The following CELF2 variants were observed in gnomAD, a reference collection of about 807,000 sequenced individuals.
The protein encoded by CELF2 is CUGBP Elav-like family member 2.
A neutral mutation model predicts 62.6 loss-of-function variants in CELF2; 8 were observed. The observed-to-expected ratio is 0.13, with a 90% confidence interval of 0.07 to 0.23. The LOEUF is 0.23. Ranked by LOEUF, CELF2 falls within the 10% of genes least tolerant of loss-of-function variation. CELF2 has a pLI of 1.00. For missense variants in CELF2, 333 were observed against 671.0 expected, an observed-to-expected ratio of 0.50 and a Z score of 5.56; for synonymous variants, 258 against 250.0, an observed-to-expected ratio of 1.03 and a Z score of -0.30.
chr10:10,988,294 T>TAGAG (rs113642206), intron 2 of CELF2, among the ~76,000 whole-genome samples: 11 of 140,762 alleles, frequency 7.8e-5, no homozygotes, highest in South Asian at 4.4e-4. Context: ...TATATATATA[T>TAGAG]AGAGAGAGAG....
intron 1 of CELF2, among the ~76,000 whole-genome samples, chr10:10,885,084 A>T (rs1307474094): frequency 6.6e-6 from 1 of 152,128 alleles, no homozygotes; most frequent in East Asian, 1.9e-4. Flanking sequence ...TCTACTAAAG[A>T]TACAAAACAT....
the CELF2 span, among the ~76,000 whole-genome samples, chr10:10,528,559 G>A: frequency 6.6e-6 from 1 of 152,186 alleles, no homozygotes; most frequent in African/African-American, 2.4e-5. Flanking sequence ...CCCCACTTAA[G>A]AGTCTGCCTG....
At chr10:10,854,029 G>A (rs1379107733) in intron 1 of CELF2, among the ~76,000 whole-genome samples, 1 of 152,104 alleles carries the variant, frequency 6.6e-6, no homozygotes, top group Non-Finnish European at 1.5e-5. Context: ...ATATTTTCCT[G>A]TTAAACATGA....
rs2059949007 is a variant in CELF2, at chr10:11,030,602, G to T, written c.74+12439G>T. ...GCTCTGTTTCTCACCTCCAAAGCCT[G>T]AGGTTGCACCTCTGTTCCTCGTTTC... On this transcript the variant is annotated intron_variant, in intron 1 of 12. Coordinates refer to ENST00000633077, the MANE Select transcript of CELF2 (RefSeq NM_001326342.2). 2.0e-5 allele frequency: 3 copies of T among 152,278 alleles called. No homozygotes were observed. In the South Asian group the frequency reaches 6.2e-4, roughly 31 times the overall value. The allele number at this position is 152,278 out of a possible 1,614,324, so 9.4% of individuals were successfully genotyped here.
chr10:10,547,221 G>A, the CELF2 span, among the ~76,000 whole-genome samples: 124 of 152,252 alleles, frequency 8.1e-4, 1 homozygote, highest in African/African-American at 2.9e-3. Flanking sequence ...CTTGCCTATC[G>A]AGAAATATCC....
Position 10,990,965 on chromosome 10 carries a change from T to TTGAG in CELF2, c.89+70968_89+70969insAGTG, listed in dbSNP as rs1325423884. On this transcript the variant is annotated intron_variant, in intron 2 of 13. Transcript: ENST00000636488. The surrounding 1 kb of genome is among the most constrained non-coding windows in gnomAD (Gnocchi z 4.6). ...CTTACAGCATCTTTTTGAGGTTCTT[T>TTGAG]TGCGTGTGTGTGTGTGTGTGTGTGC... Among the ~76,000 whole-genome samples, 1 of 149,664 alleles carries TTGAG rather than the reference T, an allele frequency of 6.7e-6. No individual in the cohort carries two copies. The highest frequency in any genetic ancestry group is 6.7e-5 in the Admixed American group (1 of 15,034).
In CELF2 at chr10:11,117,507, A is replaced by C. The variant is rs891420844; in HGVS notation, c.75-47979A>C. ...GTGCTCTGCAGCAGCTCTAGAGGCC[A>C]CTCCTTTAGACCTAGGTCCATCTTG... On this transcript the variant is annotated intron_variant, in intron 1 of 12. Coordinates refer to ENST00000633077, the MANE Select transcript of CELF2 (RefSeq NM_001326342.2). This position sits in a 1 kb window ranked among gnomAD's most constrained non-coding sequence, Gnocchi z 4.1. Among the ~76,000 whole-genome samples the C allele has an allele frequency of 2.0e-5, 3 of 151,874 alleles. No individual in the cohort carries two copies. The highest frequency in any genetic ancestry group is 6.6e-5 in the Admixed American group (1 of 15,252).
the CELF2 span, among the ~76,000 whole-genome samples, chr10:10,677,944 A>G: frequency 6.6e-6 from 1 of 152,198 alleles, no homozygotes; most frequent in Non-Finnish European, 1.5e-5. Flanking sequence ...TTGACTTGTG[A>G]CAGTCAATCT....
chr10:11,318,723 C>T lies in CELF2; in HGVS notation c.1097-2466C>T, dbSNP rs1436118177. 4.3e-6 allele frequency: 2 copies of T among 464,536 alleles called. No individual in the cohort carries two copies. The highest frequency in any genetic ancestry group is 4.0e-5 in the African/African-American group (2 of 49,580). 28.8% of individuals were successfully genotyped at this position (464,536 alleles called of 1,614,324 possible). On this transcript the variant is annotated intron_variant, in intron 10 of 12. Coordinates refer to ENST00000633077, the MANE Select transcript of CELF2 (RefSeq NM_001326342.2). The surrounding 1 kb of genome is among the most constrained non-coding windows in gnomAD (Gnocchi z 5.4). ...TTTTTGGCAAAAAGGAGAAAGAGTTCAAAGTAGGAAGATAATTTTTCTGAC... is the reference window on the plus strand; with the variant it reads ...TTTTTGGCAAAAAGGAGAAAGAGTTTAAAGTAGGAAGATAATTTTTCTGAC...
intron 1 of CELF2, among the ~76,000 whole-genome samples, chr10:10,883,624 A>C (rs2061572422): frequency 6.6e-6 from 1 of 151,934 alleles, no homozygotes; most frequent in South Asian, 2.1e-4. Context: ...TGTGAAGGGG[A>C]CAGGATCCAT....
intron 11 of CELF2, among the ~76,000 whole-genome samples, chr10:11,322,797 G>A (rs1474325495): frequency 6.6e-6 from 1 of 152,022 alleles, no homozygotes; most frequent in African/African-American, 2.4e-5. Context: ...ATGCACAGGT[G>A]TTCAGACAAC....
the CELF2 span, among the ~76,000 whole-genome samples, chr10:10,784,046 C>T: frequency 6.6e-6 from 1 of 151,974 alleles, no homozygotes; most frequent in Non-Finnish European, 1.5e-5. Context: ...GACTTTGAGT[C>T]AACTGGGGTT....
chr10:10,868,454 G>A (rs907918989), intron 1 of CELF2, among the ~76,000 whole-genome samples: 3 of 152,238 alleles, frequency 2.0e-5, no homozygotes, highest in Non-Finnish European at 4.4e-5. Context: ...GCCAGTTAAA[G>A]ATTTGTGCCA....
rs1464094084 is a variant in CELF2, at chr10:11,319,124, C to T, written c.1097-2065C>T. On this transcript the variant is annotated intron_variant, in intron 10 of 12. Transcript: ENST00000633077. This position sits in a 1 kb window ranked among gnomAD's most constrained non-coding sequence, Gnocchi z 4.4. ...CGGCGAGTCGCCGCTCCTCTCCCGC[C>T]AGAATTTCCTCCACACGGGCATCTG... is the stretch of plus-strand genomic sequence containing the variant. 3 of 470,412 alleles carry T rather than the reference C, an allele frequency of 6.4e-6. No homozygotes were observed. Among genetic ancestry groups the T allele is most frequent in the Non-Finnish European group, 1.3e-5 (3 of 227,016 alleles). The allele number at this position is 470,412 out of a possible 1,614,324, so 29.1% of individuals were successfully genotyped here. A position where few individuals can be genotyped will look rare whatever the true frequency, so the allele number is the denominator to read the frequency against.
At position 10,928,023 on chromosome 10, in the gene CELF2, A is replaced by G. The variant is rs956922407; in HGVS notation, c.89+8024A>G. Among the ~76,000 whole-genome samples the G allele has an allele frequency of 9.2e-5, 14 of 151,978 alleles. No individual in the cohort carries two copies. The highest frequency in any genetic ancestry group is 1.8e-4 in the Non-Finnish European group (12 of 68,008). ...CTCATCACCTGCTACTTTCTTTCTC[A>G]TTTATTTTGCTTCTGACACACCGGC... On this transcript the variant is annotated intron_variant, in intron 2 of 13. Coordinates refer to the CELF2 transcript ENST00000636488. This position sits in a 1 kb window ranked among gnomAD's most constrained non-coding sequence, Gnocchi z 4.8.
At chr10:10,980,870 C>T (rs1034772528) in intron 2 of CELF2, among the ~76,000 whole-genome samples, 1 of 152,170 alleles carries the variant, frequency 6.6e-6, no homozygotes, top group Non-Finnish European at 1.5e-5. Flanking sequence ...ATCCTCCCAC[C>T]TTGGCCTCCC....
chr10:10,656,891 A>G, the CELF2 span, among the ~76,000 whole-genome samples: 3 of 151,040 alleles, frequency 2.0e-5, no homozygotes, highest in African/African-American at 7.3e-5. Flanking sequence ...AAAAAATAAA[A>G]AAATAACTTG....
the CELF2 span, among the ~76,000 whole-genome samples, chr10:10,549,792 C>T: frequency 6.6e-6 from 1 of 152,166 alleles, no homozygotes; most frequent in Non-Finnish European, 1.5e-5. Context: ...TTCTGAGGTA[C>T]TGAGGGTTAA....
the CELF2 span, among the ~76,000 whole-genome samples, chr10:10,565,891 C>G: frequency 6.6e-6 from 1 of 152,154 alleles, no homozygotes; most frequent in Admixed American, 6.6e-5. Context: ...AATTAAGGGT[C>G]AGCAATTAAT....
Sources: allele counts gnomAD v4.1 joint callset (sites outside exome capture counted in the v4.1 genomes callset), GRCh38; gene constraint gnomAD v4.1.1; non-coding constraint Gnocchi (gnomAD v3.1); transcripts MANE v1.5; gene names NCBI Gene and HGNC (gene_info 2026-07-23, HGNC 2026-07-21).